Variants in NSUN6 observed in about 807,000 individuals in gnomAD.
NSUN6 encodes the protein NOP2/Sun RNA methyltransferase 6.
Under a neutral mutation model 58.0 loss-of-function variants are expected in NSUN6, and 64 were observed. The ratio of observed to expected loss-of-function variants is 1.10; its 90% confidence interval spans 0.90 to 1.36. The LOEUF (loss-of-function observed/expected upper bound fraction) is 1.36, where lower values mean the gene tolerates loss of function less well. NSUN6 is among the 40% of genes most tolerant of loss of function. The pLI, the probability that NSUN6 is intolerant of heterozygous loss-of-function variation, is 0.00. For synonymous variants in NSUN6, 231 were observed against 193.9 expected (o/e 1.19, Z -1.59); for missense variants, 701 against 550.1 (o/e 1.27, Z -2.74).
chr10:18,650,827 G>C (rs1030514853), intron 1 of NSUN6, among the ~76,000 whole-genome samples: 5 of 152,208 alleles, frequency 3.3e-5, no homozygotes, highest in South Asian at 2.1e-4. Flanking sequence ...AATTCGATTC[G>C]AGTTCTTGAA....
At chr10:18,611,608 C>T (rs2058238888) in intron 5 of NSUN6, among the ~76,000 whole-genome samples, 3 of 152,140 alleles carry the variant, frequency 2.0e-5, no homozygotes, top group Admixed American at 2.0e-4. Flanking sequence ...TAGCTCACTG[C>T]AGCCTCTAAC....
In NSUN6 at chr10:18,642,504, C is replaced by T. The variant is rs61737266; in HGVS notation, c.283G>A (p.Val95Met). The change falls in exon 3 of 11, where the codon GTG becomes ATG. Residue 95 changes from valine (V) to methionine (M), a missense_variant. Val to Met is a conservative substitution (Grantham distance 21). Transcript: ENST00000377304. ...PILQHPDLQD[V>M]LLIPVIGPRK... is the part of the protein sequence containing the mutation. ...GGTCCAATAACAGGAATAAGTAACA[C>T]ATCTTGAAGGTCTGGATGTTGAAGA... 1.3e-3 allele frequency: 1,993 copies of T among 1,550,712 alleles called. 1 individual carries two copies. The highest frequency in any genetic ancestry group is 1.9e-3 in the African/African-American group (138 of 73,776).
chr10:18,634,473 C>T (rs567969764), intron 3 of NSUN6, among the ~76,000 whole-genome samples: 3 of 152,128 alleles, frequency 2.0e-5, no homozygotes, highest in East Asian at 1.9e-4. Context: ...AAGAACAAAC[C>T]GGGCCTGGTG....
chr10:18,638,981 A>T (rs2059310612), intron 3 of NSUN6, among the ~76,000 whole-genome samples: 2 of 147,576 alleles, frequency 1.4e-5, no homozygotes, highest in South Asian at 2.2e-4. Context: ...CTGGCCGGCC[A>T]TGGTGGCTGG....
intron 7 of NSUN6, among the ~76,000 whole-genome samples, chr10:18,587,258 A>G (rs1448508209): frequency 6.6e-6 from 1 of 152,204 alleles, no homozygotes; most frequent in Non-Finnish European, 1.5e-5. Flanking sequence ...CGGCGGCCTT[A>G]AAGTGCTTTG....
intron 9 of NSUN6, among the ~76,000 whole-genome samples, chr10:18,549,567 G>A (rs2054482543): frequency 1.3e-5 from 2 of 152,176 alleles, no homozygotes; most frequent in South Asian, 2.1e-4. Flanking sequence ...GAAACCTCGT[G>A]AATAAGGGCA....
At chr10:18,653,365 G>C (rs1470692594), upstream of NSUN6, 6 of 975,506 alleles carry the variant, frequency 6.2e-6, no homozygotes, top group African/African-American at 1.1e-4. Flanking sequence ...CAGAATTGAG[G>C]ACATTTAGAC....
intron 1 of NSUN6, among the ~76,000 whole-genome samples, chr10:18,649,160 T>G (rs1477872643): frequency 1.3e-5 from 2 of 152,224 alleles, no homozygotes; most frequent in Non-Finnish European, 2.9e-5. Context: ...GGACATCAGC[T>G]TTTTAATATG....
chr10:18,616,417 G>T, intron 3 of NSUN6, 124 bp from the exon 4 acceptor site: 1 of 547,878 alleles, frequency 1.8e-6, no homozygotes. Context: ...ATAAGAAAAC[G>T]CTGAAAAGAG....
chr10:18,653,126 A>C (rs1281720488), upstream of NSUN6: 1 of 985,134 alleles, frequency 1.0e-6, no homozygotes, highest in African/African-American at 1.7e-5. Context: ...TGATGGCTAG[A>C]ATCTGTATTT....
intron 7 of NSUN6, among the ~76,000 whole-genome samples, chr10:18,586,551 C>A (rs2057153369): frequency 6.6e-6 from 1 of 151,436 alleles, no homozygotes; most frequent in Non-Finnish European, 1.5e-5. Flanking sequence ...AAGCGGCAGA[C>A]CTTCGCAGTG....
chr10:18,552,000 T>C, intron 8 of NSUN6, 29 bp from the exon 9 acceptor site: 11 of 1,407,824 alleles, frequency 7.8e-6, no homozygotes, highest in Non-Finnish European at 8.0e-6. Flanking sequence ...TCATGTTTAC[T>C]ATCTTCCATA....
chr10:18,555,930 TGGAGAATGGAAG>T (rs2054981236), intron 8 of NSUN6, among the ~76,000 whole-genome samples: 3 of 134,892 alleles, frequency 2.2e-5, no homozygotes, highest in Admixed American at 7.4e-5. Context: ...TGGAATGGAA[TGGAGAATGGAAG>T]GGAATGGAAT....
chr10:18,652,987 A>G (rs997355535), upstream of NSUN6: 4 of 984,924 alleles, frequency 4.1e-6, no homozygotes, highest in Middle Eastern at 5.2e-4. Context: ...GTCCTTGACC[A>G]TAGCATATTT....
In NSUN6 at chr10:18,585,976, T is replaced by C; in HGVS notation, c.895A>G (p.Lys299Glu). 1.2e-6 allele frequency: 2 copies of C among 1,608,512 alleles called. No individual in the cohort carries two copies. The highest frequency in any genetic ancestry group is 1.7e-6 in the Non-Finnish European group (2 of 1,178,746). The change falls in exon 8 of 11, where the codon AAA (lysine) becomes GAA (glutamate). Residue 299 changes from lysine to glutamate, a missense_variant. Transcript: ENST00000377304. ...TCTGTGTCCTCCACCATATCAAGTT[T>C]AACCGCCTTTGTTCCATCAAAACAA... The part of the protein sequence containing the change: ...AFCFDGTKAV[K>E]LDMVEDTEGE...
At position 18,614,607 on chromosome 10, in the gene NSUN6, T is replaced by C; in HGVS notation, c.428A>G (p.Lys143Arg). The C allele has an allele frequency of 1.4e-6, 2 of 1,393,798 alleles. No homozygotes were observed. Among genetic ancestry groups the C allele is most frequent in the Non-Finnish European group, 1.9e-6 (2 of 1,038,822 alleles). 86.3% of individuals were successfully genotyped at this position (1,393,798 alleles called of 1,614,324 possible). A position where few individuals can be genotyped will look rare whatever the true frequency, so the allele number is the denominator to read the frequency against. ...GTATACAGAAATAACATCTCCAGCT[T>C]TCATAACTAGAGAAAGAAGAAAATC... ...PGIVSASQFMKAGDVISVYSD... is the reference protein window; with the variant it reads ...PGIVSASQFMRAGDVISVYSD... Residue 143 changes from lysine (K) to arginine (R), a missense_variant, in exon 5 of 11, where the codon AAA (lysine) becomes AGA (arginine). Transcript: ENST00000377304.
At chr10:18,652,826 T>C (rs1444167567), upstream of NSUN6, 1 of 844,084 alleles carries the variant, frequency 1.2e-6, no homozygotes, top group African/African-American at 1.8e-5. Context: ...CCCAAAGTGC[T>C]GGGATTACAG....
intron 3 of NSUN6, among the ~76,000 whole-genome samples, chr10:18,640,290 A>G (rs1375684432): frequency 6.6e-6 from 1 of 152,186 alleles, no homozygotes; most frequent in African/African-American, 2.4e-5. Flanking sequence ...CAGAGAAACA[A>G]AAGTGGGAGG....
chr10:18,552,449 G>A (rs2054665298), intron 8 of NSUN6, among the ~76,000 whole-genome samples: 1 of 152,104 alleles, frequency 6.6e-6, no homozygotes, highest in Non-Finnish European at 1.5e-5. Flanking sequence ...GGGAGAATGA[G>A]CCAGTACCAC....
Sources: allele counts gnomAD v4.1 joint callset (sites outside exome capture counted in the v4.1 genomes callset), GRCh38; gene constraint gnomAD v4.1.1; transcripts MANE v1.5; gene names NCBI Gene and HGNC (gene_info 2026-07-23, HGNC 2026-07-21).